The following SORCS2 variants were observed in gnomAD, a reference collection of about 807,000 sequenced individuals.
The protein encoded by SORCS2 is sortilin related VPS10 domain containing receptor 2.
A neutral mutation model predicts 141.6 loss-of-function variants in SORCS2; 100 were observed. The ratio of observed to expected loss-of-function variants is 0.71; its 90% CI spans 0.60 to 0.83. The LOEUF is 0.83. SORCS2 is among the 40% of genes least tolerant of loss of function. The pLI, the probability that SORCS2 is intolerant of heterozygous loss-of-function variation, is 0.00. For missense variants in SORCS2, 1,646 were observed against 1,560.2 expected (o/e 1.05, Z -0.93); for synonymous variants, 789 against 676.9 (o/e 1.17, Z -2.57).
chr4:7,314,285 A>C (rs1436862941), intron 1 of SORCS2, among the ~76,000 whole-genome samples: 1 of 151,622 alleles, frequency 6.6e-6, no homozygotes, highest in African/African-American at 2.4e-5. Flanking sequence ...CTCCGCATTC[A>C]CAGGGACTCT....
intron 2 of SORCS2, among the ~76,000 whole-genome samples, chr4:7,519,560 G>A (rs1048747815): frequency 1.2e-4 from 19 of 152,182 alleles, no homozygotes; most frequent in Non-Finnish European, 2.8e-4. Context: ...TGGCGGCCAC[G>A]GTGAAGCTGT....
At chr4:7,417,930 CAT>C (rs1725802168) in intron 2 of SORCS2, among the ~76,000 whole-genome samples, 3 of 152,188 alleles carry the variant, frequency 2.0e-5, no homozygotes, top group Non-Finnish European at 2.9e-5. Flanking sequence ...CACAGGAAAA[CAT>C]AAGAGTGAGC....
intron 1 of SORCS2, among the ~76,000 whole-genome samples, chr4:7,292,829 G>A (rs892925548): frequency 7.9e-5 from 12 of 152,226 alleles, no homozygotes; most frequent in African/African-American, 2.9e-4. Flanking sequence ...GTGAACTTGG[G>A]CAGTGTGCTG....
At chr4:7,434,087 G>C (rs376028916) in intron 2 of SORCS2, 11 of 1,611,704 alleles carry the variant, frequency 6.8e-6, no homozygotes, top group East Asian at 2.2e-5. Context: ...GCCACTACTT[G>C]AGTCAAACGG....
At chr4:7,614,531 A>T (rs1010228971) in intron 3 of SORCS2, among the ~76,000 whole-genome samples, 5 of 149,900 alleles carry the variant, frequency 3.3e-5, no homozygotes, top group African/African-American at 9.9e-5. Flanking sequence ...CCACTCTTCC[A>T]CCATGCATTT....
intron 1 of SORCS2, among the ~76,000 whole-genome samples, chr4:7,235,826 C>G (rs1712228274): frequency 6.6e-6 from 1 of 152,178 alleles, no homozygotes; most frequent in African/African-American, 2.4e-5. Context: ...AGATGCCTCC[C>G]TTCTGGATTC....
intron 2 of SORCS2, among the ~76,000 whole-genome samples, chr4:7,459,352 G>A (rs1217936945): frequency 6.6e-6 from 1 of 152,166 alleles, no homozygotes; most frequent in African/African-American, 2.4e-5. Flanking sequence ...GGAGACATGA[G>A]GTGGGGGTCA....
At chr4:7,727,221 G>T (rs992648271) in intron 21 of SORCS2, among the ~76,000 whole-genome samples, 1 of 152,268 alleles carries the variant, frequency 6.6e-6, no homozygotes, top group African/African-American at 2.4e-5. Context: ...CACTGGCTGT[G>T]CCTGCCTCCA....
Position 7,434,041 on chromosome 4 carries a change from G to A in SORCS2, c.548+37686G>A, listed in dbSNP as rs770598301. The A allele has an allele frequency of 1.2e-6, 2 of 1,611,314 alleles. No individual in the cohort carries two copies. Among genetic ancestry groups the A allele is most frequent in the Admixed American group, 3.3e-5 (2 of 59,968 alleles). On this transcript the variant is annotated intron_variant, in intron 2 of 26. Coordinates refer to ENST00000507866, the MANE Select transcript of SORCS2 (RefSeq NM_020777.3). ...CATCTGCATCTCGCTCTGTTTCCTT[G>A]GCAACCCCAGCTCCAGGGAGGGGAC...
intron 12 of SORCS2, among the ~76,000 whole-genome samples, chr4:7,700,732 A>G (rs1331103699): frequency 6.6e-6 from 1 of 152,170 alleles, no homozygotes. Context: ...AGGGCCGTGA[A>G]CCTCGGAGGG....
At chr4:7,416,632 TCACACACAAG>T (rs1725696135) in intron 2 of SORCS2, among the ~76,000 whole-genome samples, 1 of 151,576 alleles carries the variant, frequency 6.6e-6, no homozygotes, top group African/African-American at 2.4e-5. Context: ...ATGGACACAT[TCACACACAAG>T]CACACACATG....
At chr4:7,398,044 A>G (rs980940816) in intron 2 of SORCS2, among the ~76,000 whole-genome samples, 1 of 152,194 alleles carries the variant, frequency 6.6e-6, no homozygotes, top group African/African-American at 2.4e-5. Flanking sequence ...ATGTGGAGGC[A>G]ATGAGACTGT....
In SORCS2 at chr4:7,741,298, G is replaced by A. The variant is rs1408981539; in HGVS notation, c.*1034G>A. ...CTCATTTTCAAGAAGGGGAAACTGAGGCCCAGGGAGGAGAGTAACTGAAGG... is the reference window on the plus strand; with the variant it reads ...CTCATTTTCAAGAAGGGGAAACTGAAGCCCAGGGAGGAGAGTAACTGAAGG... On this transcript the variant is annotated 3_prime_UTR_variant, in exon 27 of 27. Coordinates refer to ENST00000507866, the MANE Select transcript of SORCS2 (RefSeq NM_020777.3). The A allele has an allele frequency of 2.5e-6, 1 of 399,030 alleles. No homozygotes were observed. The highest frequency in any genetic ancestry group is 4.4e-6 in the Non-Finnish European group (1 of 226,130). The allele number at this position is 399,030 out of a possible 1,614,324, so 24.7% of individuals were successfully genotyped here.
At chr4:7,704,345 T>C in intron 14 of SORCS2, 61 bp downstream of exon 14, 2 of 1,424,812 alleles carry the variant, frequency 1.4e-6, no homozygotes, top group Non-Finnish European at 1.9e-6. Context: ...TGGGCCTCCC[T>C]GGGCCTACTG....
At chr4:7,643,617 A>T (rs142903562) in intron 4 of SORCS2, among the ~76,000 whole-genome samples, 2,432 of 152,328 alleles carry the variant, frequency 0.016, 68 homozygotes, top group African/African-American at 0.055. Context: ...ATCAGAATGT[A>T]TCTTTAATTT....
rs959143217 is a variant in SORCS2, at chr4:7,663,700, G to T, written c.953-653G>T. On this transcript the variant is annotated intron_variant, in intron 6 of 26. Coordinates refer to ENST00000507866, the MANE Select transcript of SORCS2 (RefSeq NM_020777.3). This position sits in a 1 kb window ranked among gnomAD's most constrained non-coding sequence, Gnocchi z 4.8. The stretch of plus-strand genomic sequence containing the variant: ...TCTCCATGCTGCCGGGTCACCCAAG[G>T]CTGGGGGCAGGAGGAGGAGGAAAAG... Among the ~76,000 whole-genome samples, 6 of 152,122 alleles carry T rather than the reference G, an allele frequency of 3.9e-5. No individual in the cohort carries two copies. Among genetic ancestry groups the T allele is most frequent in the East Asian group, 1.9e-4 (1 of 5,178 alleles).
At chr4:7,707,732 C>T (rs554555609) in intron 14 of SORCS2, among the ~76,000 whole-genome samples, 14 of 152,326 alleles carry the variant, frequency 9.2e-5, no homozygotes, top group African/African-American at 2.2e-4. Flanking sequence ...ATGGAAGAGG[C>T]GCTTGATGCT....
intron 3 of SORCS2, among the ~76,000 whole-genome samples, chr4:7,557,252 C>T (rs187158995): frequency 6.6e-6 from 1 of 152,248 alleles, no homozygotes; most frequent in African/African-American, 2.4e-5. Context: ...GTGATCTTAG[C>T]TTCATTACCC....
rs1419453470 is a variant in SORCS2, at chr4:7,740,426, C to T, written c.*162C>T. 3.5e-5 allele frequency: 23 copies of T among 660,876 alleles called. No homozygotes were observed. In the Admixed American group the frequency reaches 4.6e-4, roughly 13 times the overall value. The allele number at this position is 660,876 out of a possible 1,614,324, so 40.9% of individuals were successfully genotyped here. On this transcript the variant is annotated 3_prime_UTR_variant, in exon 27 of 27. Transcript: ENST00000507866. ...CCCCCTCTGATAAATCCAAGCCCGC[C>T]CAGGCCCACGGGGGGCCCACGGGAC...
Sources: gnomAD v4.1 joint callset for allele counts (sites outside exome capture counted in the v4.1 genomes callset) on GRCh38, gnomAD v4.1.1 for gene constraint, Gnocchi (gnomAD v3.1) non-coding constraint, MANE v1.5 for transcripts, NCBI Gene and HGNC (gene_info 2026-07-23, HGNC 2026-07-21) for gene names.